GALNT10: variants seen among roughly 807,000 people sequenced by gnomAD.
The protein encoded by GALNT10 is polypeptide N-acetylgalactosaminyltransferase 10, also known as GalNAc transferase 10.
A neutral mutation model predicts 75.0 loss-of-function variants in GALNT10; 41 were observed. The ratio of observed to expected loss-of-function variants is 0.55; its 90% CI spans 0.43 to 0.71. GALNT10 has a LOEUF of 0.71. GALNT10 is among the 30% of genes least tolerant of loss of function. The pLI is 0.00. For missense variants in GALNT10, 727 were observed against 818.5 expected, an observed-to-expected ratio of 0.89 and a Z score of 1.36; for synonymous variants, 302 against 313.0, an observed-to-expected ratio of 0.96 and a Z score of 0.37.
intron 1 of GALNT10, among the ~76,000 whole-genome samples, chr5:154,294,149 G>C (rs749219383): frequency 6.6e-6 from 1 of 152,184 alleles, no homozygotes. Context: ...AGACCAACCT[G>C]GGTAACATAG....
chr5:154,363,063 AG>A (rs1185878526), intron 4 of GALNT10, among the ~76,000 whole-genome samples: 1 of 152,228 alleles, frequency 6.6e-6, no homozygotes, highest in African/African-American at 2.4e-5. Flanking sequence ...TTGAAGATAA[AG>A]TGAGATAGTG....
intron 1 of GALNT10, among the ~76,000 whole-genome samples, chr5:154,248,574 C>G (rs939524732): frequency 6.6e-6 from 1 of 152,218 alleles, no homozygotes. Flanking sequence ...TCCATTTCTT[C>G]CAGATTTTCT....
At chr5:154,307,284 TG>T (rs1754447961) in intron 3 of GALNT10, among the ~76,000 whole-genome samples, 1 of 152,202 alleles carries the variant, frequency 6.6e-6, no homozygotes, top group African/African-American at 2.4e-5. Context: ...TAGGCCCAGA[TG>T]GGTTCACTGA....
At chr5:154,274,518 C>T (rs1356033617) in intron 1 of GALNT10, among the ~76,000 whole-genome samples, 1 of 152,134 alleles carries the variant, frequency 6.6e-6, no homozygotes, top group Non-Finnish European at 1.5e-5. Flanking sequence ...TATTGCCTTG[C>T]CCATGATAGG....
chr5:154,373,390 T>G (rs141411180), intron 4 of GALNT10, among the ~76,000 whole-genome samples: 42 of 152,288 alleles, frequency 2.8e-4, no homozygotes, highest in African/African-American at 9.9e-4. Context: ...GACATGAAGT[T>G]TGGTGCAGTA....
chr5:154,383,550 G>A (rs970147690), intron 6 of GALNT10, among the ~76,000 whole-genome samples: 1 of 152,184 alleles, frequency 6.6e-6, no homozygotes, highest in Admixed American at 6.5e-5. Flanking sequence ...GGGCAGAGAG[G>A]CCTCTCTCTG....
intron 3 of GALNT10, among the ~76,000 whole-genome samples, chr5:154,310,441 GTTTTTT>G (rs34086082): frequency 0.047 from 7,093 of 149,640 alleles, 229 homozygotes; most frequent in Non-Finnish European, 0.068. Context: ...GGTTTTTTTT[GTTTTTT>G]TTTTTGTTTG....
intron 7 of GALNT10, among the ~76,000 whole-genome samples, chr5:154,398,473 G>A (rs1438640238): frequency 6.6e-6 from 1 of 152,208 alleles, no homozygotes; most frequent in African/African-American, 2.4e-5. Context: ...CAGTGCTCTT[G>A]GGTGGCCAGG....
chr5:154,190,956 G>A lies in GALNT10; in HGVS notation c.90G>A (p.Leu30=). The A allele has an allele frequency of 1.3e-6, 2 of 1,510,756 alleles. No individual in the cohort carries two copies. The highest frequency in any genetic ancestry group is 8.8e-7 in the Non-Finnish European group (1 of 1,131,664). The allele number at this position is 1,510,756 out of a possible 1,614,324, so 93.6% of individuals were successfully genotyped here. The change falls in exon 1 of 12, where the codon CTG becomes CTA. Residue 30 remains leucine (L), a synonymous_variant. Coordinates refer to ENST00000297107, the MANE Select transcript of GALNT10 (RefSeq NM_198321.4). ...VLLPNVGLWA[L]YRERQPDGTP... ...TGCCCAACGTGGGGCTTTGGGCGCT[G>A]TACCGCGAGCGGCAGCCCGACGGCA...
At chr5:154,374,744 A>G (rs1755629213) in intron 4 of GALNT10, among the ~76,000 whole-genome samples, 1 of 150,914 alleles carries the variant, frequency 6.6e-6, no homozygotes, top group African/African-American at 2.4e-5. Flanking sequence ...TCTCTTTTCA[A>G]TTCTTTTTCA....
Position 154,298,144 on chromosome 5 carries a change from AT to A in GALNT10, c.401+67del. The A allele has an allele frequency of 6.8e-7, 1 of 1,473,842 alleles. No individual in the cohort carries two copies. Among genetic ancestry groups the A allele is most frequent in the Non-Finnish European group, 9.4e-7 (1 of 1,066,512 alleles). The allele number at this position is 1,473,842 out of a possible 1,614,324, so 91.3% of individuals were successfully genotyped here. The stretch of plus-strand genomic sequence containing the variant: ...TTTCCCTGGCTGTTGTTGAGAATTA[AT>A]TAAGGAAGCAGGTACATGGAGCCCT... On this transcript the variant is annotated intron_variant, in intron 3 of 11. Transcript: ENST00000297107. The surrounding 1 kb of genome is among the most constrained non-coding windows in gnomAD (Gnocchi z 4.1).
chr5:154,288,456 C>T (rs1323632077), intron 1 of GALNT10, among the ~76,000 whole-genome samples: 2 of 146,716 alleles, frequency 1.4e-5, no homozygotes, highest in Non-Finnish European at 3.0e-5. Context: ...GAACACTAAT[C>T]GATTCTTTTA....
chr5:154,366,192 GTCT>G (rs1384027489), intron 4 of GALNT10, among the ~76,000 whole-genome samples: 1 of 152,174 alleles, frequency 6.6e-6, no homozygotes, highest in Non-Finnish European at 1.5e-5. Context: ...CTTCTTCTCT[GTCT>G]TCTTGTAGTC....
intron 1 of GALNT10, among the ~76,000 whole-genome samples, chr5:154,290,788 C>T (rs1298398534): frequency 6.6e-6 from 1 of 152,178 alleles, no homozygotes; most frequent in African/African-American, 2.4e-5. Flanking sequence ...TGGTTTTTAT[C>T]CTCTTGCCTG....
chr5:154,357,856 A>T (rs1056915627), intron 4 of GALNT10, among the ~76,000 whole-genome samples: 25 of 152,238 alleles, frequency 1.6e-4, no homozygotes, highest in African/African-American at 6.0e-4. Flanking sequence ...GTGAGCTGAG[A>T]TGGACATTTG....
intron 3 of GALNT10, among the ~76,000 whole-genome samples, chr5:154,313,218 G>A (rs1754547542): frequency 6.6e-6 from 1 of 151,822 alleles, no homozygotes; most frequent in African/African-American, 2.4e-5. Context: ...GCTGAGGCAG[G>A]AGAATTGCTT....
At chr5:154,228,490 A>T (rs721869) in intron 1 of GALNT10, among the ~76,000 whole-genome samples, 55,550 of 152,170 alleles carry the variant, frequency 0.37, 12,261 homozygotes, top group East Asian at 0.84. Context: ...TGCTTCTGCC[A>T]TGTGCCTAAT....
intron 3 of GALNT10, among the ~76,000 whole-genome samples, chr5:154,316,324 A>G (rs1476279323): frequency 2.6e-5 from 4 of 152,236 alleles, no homozygotes; most frequent in Admixed American, 2.6e-4. Flanking sequence ...TCCACCTCCC[A>G]GCTGGCCACG....
chr5:154,351,988 A>T (rs1437398107), intron 4 of GALNT10, among the ~76,000 whole-genome samples: 1 of 152,236 alleles, frequency 6.6e-6, no homozygotes, highest in Non-Finnish European at 1.5e-5. Context: ...ACAGGAAGAC[A>T]TTATCATCAC....
Sources: gnomAD v4.1 joint callset for allele counts (sites outside exome capture counted in the v4.1 genomes callset) on GRCh38, gnomAD v4.1.1 for gene constraint, Gnocchi (gnomAD v3.1) non-coding constraint, MANE v1.5 for transcripts, NCBI Gene and HGNC (gene_info 2026-07-23, HGNC 2026-07-21) for gene names.